The following MTMR3 variants were observed in gnomAD, a reference collection of about 807,000 sequenced individuals.
The protein encoded by MTMR3 is phosphatidylinositol-3,5-bisphosphate 3-phosphatase MTMR3.
MTMR3 carries 32 observed loss-of-function variants against 132.4 expected under a neutral mutation model. The observed-to-expected ratio is 0.24, with a 90% CI of 0.18 to 0.32. The LOEUF (loss-of-function observed/expected upper bound fraction) is 0.32, where lower values mean the gene tolerates loss of function less well. Ranked by LOEUF, MTMR3 falls within the 10% of genes least tolerant of loss-of-function variation. The pLI is 1.00. For missense variants in MTMR3, 1,216 were observed against 1,489.6 expected, an observed-to-expected ratio of 0.82 and a Z score of 3.02; for synonymous variants, 556 against 550.3, an observed-to-expected ratio of 1.01 and a Z score of -0.14.
intron 1 of MTMR3, among the ~76,000 whole-genome samples, chr22:29,913,253 A>G (rs1180451201): frequency 1.3e-5 from 2 of 152,142 alleles, no homozygotes; most frequent in African/African-American, 4.8e-5. Context: ...TCTCAAAACA[A>G]AAACAGAAAC....
chr22:30,003,382 A>G (rs937429586), intron 9 of MTMR3: 2 of 155,614 alleles, frequency 1.3e-5, no homozygotes, highest in African/African-American at 2.4e-5. Context: ...GTTGGCTCTG[A>G]TTGTCTTTGT....
chr22:30,015,791 T>A (rs1420011815), intron 14 of MTMR3: 2 of 152,176 alleles, frequency 1.3e-5, no homozygotes, highest in African/African-American at 4.8e-5. Context: ...CCTCTCTAGG[T>A]TCATTTCCTA....
intron 1 of MTMR3, among the ~76,000 whole-genome samples, chr22:29,913,081 A>AAAT (rs1365209389): frequency 6.6e-6 from 1 of 151,912 alleles, no homozygotes; most frequent in South Asian, 2.1e-4. Flanking sequence ...CCCCTCTACA[A>AAAT]AATAATAATA....
At chr22:29,948,486 A>G (rs1211630356) in intron 1 of MTMR3, among the ~76,000 whole-genome samples, 2 of 152,184 alleles carry the variant, frequency 1.3e-5, no homozygotes, top group Non-Finnish European at 2.9e-5. Flanking sequence ...TTTACTTCCA[A>G]ATGTCTTCTA....
intron 9 of MTMR3, chr22:30,006,342 A>C (rs922910977): frequency 6.6e-6 from 1 of 152,164 alleles, no homozygotes; most frequent in South Asian, 2.1e-4. Context: ...CTATCTGCCT[A>C]TTATAAGAGC....
intron 5 of MTMR3, chr22:29,980,217 T>G (rs1482224810): frequency 6.6e-6 from 1 of 151,498 alleles, no homozygotes; most frequent in Non-Finnish European, 1.5e-5. Flanking sequence ...TGGCTGTCAT[T>G]TTTTTTTTGG....
intron 1 of MTMR3, among the ~76,000 whole-genome samples, chr22:29,949,126 C>CAT (rs2066009972): frequency 2.5e-5 from 1 of 40,136 alleles, no homozygotes; most frequent in Non-Finnish European, 5.4e-5. Context: ...CACACACACA[C>CAT]ACACACACAC....
intron 1 of MTMR3, among the ~76,000 whole-genome samples, chr22:29,951,635 A>G (rs1156387105): frequency 1.3e-5 from 2 of 152,218 alleles, no homozygotes; most frequent in African/African-American, 4.8e-5. Context: ...TTTAAGCATT[A>G]ATCACTAATC....
intron 11 of MTMR3, chr22:30,008,804 C>T (rs906444674): frequency 2.2e-5 from 10 of 447,188 alleles, no homozygotes; most frequent in South Asian, 4.3e-5. Flanking sequence ...CAAATCTAAC[C>T]TTCCCTTTTC....
chr22:29,949,615 G>A (rs1048959653), intron 1 of MTMR3, among the ~76,000 whole-genome samples: 13 of 150,930 alleles, frequency 8.6e-5, no homozygotes, highest in Non-Finnish European at 1.8e-4. Context: ...TGTTGAGTAC[G>A]TGAGAATAGG....
rs1017471002 is a variant in MTMR3 at position 29,999,516 on chromosome 22, T to C, written c.557+659T>C. On this transcript the variant is annotated intron_variant, in intron 8 of 19. Transcript: ENST00000401950. ...TGCATGATGTTTTTTACGAAAAGTT[T>C]TGACTGTGACTTGACTGTGACCCAT... 3 of 152,232 alleles carry C rather than the reference T, an allele frequency of 2.0e-5. 1 individual carries two copies. Among genetic ancestry groups the C allele is most frequent in the African/African-American group, 7.2e-5 (3 of 41,468 alleles). The allele number at this position is 152,232 out of a possible 1,614,324, so 9.4% of individuals were successfully genotyped here. A position where few individuals can be genotyped will look rare whatever the true frequency, so the allele number is the denominator to read the frequency against.
intron 1 of MTMR3, among the ~76,000 whole-genome samples, chr22:29,948,425 G>C (rs1415189065): frequency 6.6e-6 from 1 of 152,322 alleles, no homozygotes; most frequent in East Asian, 1.9e-4. Flanking sequence ...CTGATAAGCA[G>C]TATGCAGGTT....
Position 30,019,984 on chromosome 22 carries a change from C to T in MTMR3, c.2325C>T (p.Leu775=). The change falls in exon 17 of 20, where the codon CTC becomes CTT. Residue 775 remains leucine (L), a synonymous_variant. Coordinates refer to ENST00000401950, the MANE Select transcript of MTMR3 (RefSeq NM_021090.4). ...ISEQQSGLSV[L]LSSLQVPPRG... is the part of the protein sequence containing the mutation. ...AACAGCAGAGTGGGCTCAGTGTTCT[C>T]CTCAGTTCTCTCCAGGTCCCCCCCA... 1 of 1,614,110 alleles carries T rather than the reference C, an allele frequency of 6.2e-7. No individual in the cohort carries two copies. Among genetic ancestry groups the T allele is most frequent in the Non-Finnish European group, 8.5e-7 (1 of 1,179,978 alleles).
chr22:29,986,252 T>G (rs2066855484), intron 5 of MTMR3: 1 of 152,204 alleles, frequency 6.6e-6, no homozygotes, highest in South Asian at 2.1e-4. Flanking sequence ...AAATTTTAAT[T>G]GGTAACATTT....
intron 17 of MTMR3, chr22:30,021,665 G>A (rs1245416488): frequency 9.5e-5 from 20 of 210,014 alleles, no homozygotes; most frequent in East Asian, 1.2e-4. Context: ...AGGGCATCCC[G>A]AAAGCACTCA....
intron 1 of MTMR3, among the ~76,000 whole-genome samples, chr22:29,906,252 CTGTCTGTCTGTCT>C (rs1568998225): frequency 3.5e-3 from 400 of 112,878 alleles, no homozygotes; most frequent in East Asian, 6.8e-3. Flanking sequence ...ATCCGTCTGT[CTGTCTGTCTGTCT>C]GTCTGTCTGT....
At chr22:29,894,317 TTG>T (rs2064852959) in intron 1 of MTMR3, among the ~76,000 whole-genome samples, 1 of 152,154 alleles carries the variant, frequency 6.6e-6, no homozygotes. Flanking sequence ...AACTTTATCA[TTG>T]TGAACTCCAC....
At chr22:30,002,726 A>T in intron 8 of MTMR3, 154 bp from the exon 9 acceptor site, 1 of 584,256 alleles carries the variant, frequency 1.7e-6, no homozygotes, top group Non-Finnish European at 3.0e-6. Context: ...GAGGAGTCCA[A>T]AACTCGAATA....
chr22:29,949,132 C>T (rs913386793), intron 1 of MTMR3, among the ~76,000 whole-genome samples: 1 of 41,870 alleles, frequency 2.4e-5, no homozygotes, highest in Non-Finnish European at 4.8e-5. Flanking sequence ...CACACACACA[C>T]ACACACACAC....
Sources: allele counts gnomAD v4.1 joint callset (sites outside exome capture counted in the v4.1 genomes callset), GRCh38; gene constraint gnomAD v4.1.1; transcripts MANE v1.5; gene names NCBI Gene and HGNC (gene_info 2026-07-23, HGNC 2026-07-21).